TEX35: variants seen among roughly 807,000 people sequenced by gnomAD.
The protein encoded by TEX35 is testis expressed 35.
TEX35 carries 26 observed loss-of-function variants against 31.9 expected under a neutral mutation model. The observed-to-expected ratio is 0.81, with a 90% CI of 0.60 to 1.13. The LOEUF (loss-of-function observed/expected upper bound fraction) is 1.13, where lower values mean the gene tolerates loss of function less well. TEX35 is among the 50% of genes most tolerant of loss of function. The pLI is 0.00. For synonymous variants in TEX35, 87 were observed against 90.7 expected, an observed-to-expected ratio of 0.96 and a Z score of 0.23; for missense variants, 278 against 273.5, an observed-to-expected ratio of 1.02 and a Z score of -0.12.
At chr1:178,522,129 G>A in intron 8 of TEX35, 196 bp from the exon 9 acceptor site, 1 of 777,128 alleles carries the variant, frequency 1.3e-6, no homozygotes. Flanking sequence ...ACCTGTGCAT[G>A]GGGCCAGGGT....
downstream of TEX35, among the ~76,000 whole-genome samples, chr1:178,523,087 A>G (rs1464704994): frequency 6.6e-6 from 1 of 152,216 alleles, no homozygotes; most frequent in East Asian, 1.9e-4. Flanking sequence ...TTCACTAAAC[A>G]TAATGATTTC....
intron 5 of TEX35, among the ~76,000 whole-genome samples, chr1:178,519,844 T>G (rs993983905): frequency 1.3e-5 from 2 of 152,236 alleles, no homozygotes; most frequent in Admixed American, 6.5e-5. Context: ...TTTGTCAAGA[T>G]TTTATTATTC....
chr1:178,514,022 T>A lies in TEX35; in HGVS notation c.40-5T>A, dbSNP rs1261731581. Reference sequence around the variant, plus strand: ...AGCCTGAATCTCAGTCTCCTCTTTTTGCAGAGCAAGAACTACAAGGCAGTT... The same window carrying A: ...AGCCTGAATCTCAGTCTCCTCTTTTAGCAGAGCAAGAACTACAAGGCAGTT... On this transcript the variant is annotated splice_region_variant and splice_polypyrimidine_tract_variant and intron_variant, in intron 1 of 8. Transcript: ENST00000319416. The A allele has an allele frequency of 1.2e-6, 2 of 1,613,758 alleles. No homozygotes were observed. The highest frequency in any genetic ancestry group is 1.7e-6 in the Non-Finnish European group (2 of 1,179,930).
At chr1:178,521,288 G>A in intron 8 of TEX35, 24 bp downstream of exon 8, 1 of 1,614,014 alleles carries the variant, frequency 6.2e-7, no homozygotes, top group Non-Finnish European at 8.5e-7. Flanking sequence ...TACAAGATGT[G>A]CCTTTTCTCG....
intron 5 of TEX35, among the ~76,000 whole-genome samples, chr1:178,518,577 T>C (rs75428857): frequency 0.031 from 4,767 of 151,968 alleles, 116 homozygotes; most frequent in Middle Eastern, 0.061. Context: ...AAAAGCAAGA[T>C]ACAAGTAATA....
intron 8 of TEX35, 137 bp from the exon 9 acceptor site, chr1:178,522,188 A>T: frequency 8.1e-7 from 1 of 1,229,528 alleles, no homozygotes; most frequent in African/African-American, 1.5e-5. Context: ...TGCCTGCACC[A>T]CACCCCTCTG....
chr1:178,514,082 G>A lies in TEX35; in HGVS notation c.90+5G>A. 6.2e-7 allele frequency: 1 copy of A among 1,614,202 alleles called. No homozygotes were observed. The highest frequency in any genetic ancestry group is 1.1e-5 in the South Asian group (1 of 91,076). Reference sequence around the variant, plus strand: ...TTGAAGCCAGAGCCGACCAAAGTAAGAAGCCCTTTTGAGGCCATGCAGGCA... The same window carrying A: ...TTGAAGCCAGAGCCGACCAAAGTAAAAAGCCCTTTTGAGGCCATGCAGGCA... On this transcript the variant is annotated splice_donor_5th_base_variant and intron_variant, in intron 2 of 8. Transcript: ENST00000319416.
rs1284722478 is a variant in TEX35, at chr1:178,522,601, C to T, written c.*161C>T. On this transcript the variant is annotated 3_prime_UTR_variant, in exon 9 of 9. Transcript: ENST00000319416. The stretch of plus-strand genomic sequence containing the variant: ...ACACCAGTTCCTCCTTGTTTCATCT[C>T]TTTGCTAAGCTGGCTGCTTCTACCA... 6.1e-6 allele frequency: 8 copies of T among 1,310,926 alleles called. No individual in the cohort carries two copies. Among genetic ancestry groups the T allele is most frequent in the Middle Eastern group, 2.1e-4 (1 of 4,868 alleles). The allele number at this position is 1,310,926 out of a possible 1,614,324, so 81.2% of individuals were successfully genotyped here. A position where few individuals can be genotyped will look rare whatever the true frequency, so the allele number is the denominator to read the frequency against.
intron 7 of TEX35, 113 bp downstream of exon 7, chr1:178,520,987 G>T: frequency 6.4e-7 from 1 of 1,552,210 alleles, no homozygotes; most frequent in Non-Finnish European, 8.7e-7. Flanking sequence ...TCCGCCCGCT[G>T]CTGACTTCTG....
chr1:178,514,709 T>C lies in TEX35; in HGVS notation c.100T>C (p.Tyr34His), dbSNP rs1472255641. The C allele has an allele frequency of 1.2e-6, 2 of 1,614,016 alleles. No individual in the cohort carries two copies. Among genetic ancestry groups the C allele is most frequent in the Middle Eastern group, 1.6e-4 (1 of 6,062 alleles). The change falls in exon 3 of 9, where the codon TAC (tyrosine) becomes CAC (histidine). Residue 34 changes from tyrosine (Y) to histidine (H), a missense_variant. Transcript: ENST00000319416. ...CTGTTTCAATCCACAGACATTTGAT[T>C]ACAAAGCAGTTAAACAAGAAGGGCG... is the stretch of plus-strand genomic sequence containing the variant. ...LKPEPTKTFD[Y>H]KAVKQEGRFT...
At chr1:178,523,402 T>G (rs1650349651), downstream of TEX35, 1 of 575,748 alleles carries the variant, frequency 1.7e-6, no homozygotes, top group Non-Finnish European at 3.1e-6. Flanking sequence ...TGTACTAATT[T>G]ACATTCCCAC....
chr1:178,521,486 C>T (rs1650275292), intron 8 of TEX35: 1 of 1,054,838 alleles, frequency 9.5e-7, no homozygotes. Context: ...CTGGGGCTCC[C>T]ATGGTGGGGA....
At chr1:178,518,720 A>G (rs1000708178) in intron 5 of TEX35, among the ~76,000 whole-genome samples, 2 of 152,202 alleles carry the variant, frequency 1.3e-5, no homozygotes, top group African/African-American at 4.8e-5. Flanking sequence ...ATCCCTCTGT[A>G]CTGTCCAAAT....
At chr1:178,519,796 C>A (rs894498026) in intron 5 of TEX35, among the ~76,000 whole-genome samples, 4 of 152,140 alleles carry the variant, frequency 2.6e-5, no homozygotes, top group Non-Finnish European at 4.4e-5. Context: ...CCACTATTTC[C>A]ATTCAATTTA....
chr1:178,519,510 T>C (rs965661704), intron 5 of TEX35, among the ~76,000 whole-genome samples: 3 of 152,208 alleles, frequency 2.0e-5, no homozygotes, highest in African/African-American at 7.2e-5. Context: ...ATTTTGACTC[T>C]ATGAATACAA....
At chr1:178,523,040 A>G (rs10798612), downstream of TEX35, among the ~76,000 whole-genome samples, 56,679 of 152,096 alleles carry the variant, frequency 0.37, 11,313 homozygotes, top group Middle Eastern at 0.5. Context: ...CAAATAAGTG[A>G]GAACATGCGA....
At chr1:178,518,344 T>C (rs1396744083) in intron 5 of TEX35, among the ~76,000 whole-genome samples, 1 of 152,156 alleles carries the variant, frequency 6.6e-6, no homozygotes, top group Non-Finnish European at 1.5e-5. Flanking sequence ...GATTTGTCAA[T>C]TTCACTTCTT....
chr1:178,516,156 T>C (rs1650067754), intron 4 of TEX35, among the ~76,000 whole-genome samples: 1 of 152,196 alleles, frequency 6.6e-6, no homozygotes, highest in African/African-American at 2.4e-5. Flanking sequence ...TGATGTCACC[T>C]TAGTGATGAA....
At chr1:178,522,880 C>T (rs986750090), downstream of TEX35, among the ~76,000 whole-genome samples, 1 of 152,156 alleles carries the variant, frequency 6.6e-6, no homozygotes, top group African/African-American at 2.4e-5. Context: ...CCCTGTTGTG[C>T]TATCAAATGG....
Sources: gnomAD v4.1 joint callset for allele counts (sites outside exome capture counted in the v4.1 genomes callset) on GRCh38, gnomAD v4.1.1 for gene constraint, MANE v1.5 for transcripts, NCBI Gene and HGNC (gene_info 2026-07-23, HGNC 2026-07-21) for gene names.